The following OSBPL5 variants were observed in gnomAD, a reference collection of about 807,000 sequenced individuals.
OSBPL5 encodes the protein oxysterol binding protein like 5, also known as oxysterol-binding protein-related protein 5.
OSBPL5 carries 71 observed loss-of-function variants against 111.2 expected under a neutral mutation model. The ratio of observed to expected loss-of-function variants is 0.64; its 90% CI spans 0.53 to 0.78. The LOEUF is 0.78. OSBPL5 is among the 30% of genes least tolerant of loss of function. OSBPL5 has a pLI of 0.00. For synonymous variants in OSBPL5, 549 were observed against 513.9 expected, an observed-to-expected ratio of 1.07 and a Z score of -0.93; for missense variants, 1,210 against 1,189.3, an observed-to-expected ratio of 1.02 and a Z score of -0.26.
chr11:3,099,936 C>T (rs189306475), intron 14 of OSBPL5, among the ~76,000 whole-genome samples: 1,901 of 150,544 alleles, frequency 0.013, 38 homozygotes, highest in African/African-American at 0.044. Flanking sequence ...GGCGTGGTGG[C>T]GCATGCCTGT....
At chr11:3,099,145 T>C (rs1857374447) in intron 14 of OSBPL5, among the ~76,000 whole-genome samples, 1 of 152,190 alleles carries the variant, frequency 6.6e-6, no homozygotes, top group Admixed American at 6.5e-5. Context: ...AAGACGCCAA[T>C]CTGAAAACGC....
rs1364096123 is a variant in OSBPL5, at chr11:3,088,179, G to C, written c.*26C>G. On this transcript the variant is annotated 3_prime_UTR_variant, in exon 22 of 22. Coordinates refer to ENST00000263650, the MANE Select transcript of OSBPL5 (RefSeq NM_020896.4). ...TGCCTGGGAGGGAGGGCTCAGGACC[G>C]GCCAGGAGCTCTGCCCTCAGGGCTC... 3 of 1,546,502 alleles carry C rather than the reference G, an allele frequency of 1.9e-6. No individual in the cohort carries two copies. Among genetic ancestry groups the C allele is most frequent in the Middle Eastern group, 1.8e-4 (1 of 5,686 alleles).
At chr11:3,133,759 C>A (rs534962886) in intron 1 of OSBPL5, among the ~76,000 whole-genome samples, 1 of 152,356 alleles carries the variant, frequency 6.6e-6, no homozygotes, top group South Asian at 2.1e-4. Flanking sequence ...CAGGAGGGGA[C>A]GCTGTGGGGC....
intron 6 of OSBPL5, chr11:3,119,966 TGTAA>T (rs1858345493): frequency 2.4e-6 from 1 of 420,928 alleles, no homozygotes; most frequent in East Asian, 4.6e-5. Context: ...AGCTTTTTGG[TGTAA>T]GTATTTCCCA....
chr11:3,090,839 TG>T (rs1857031218), intron 19 of OSBPL5, 143 bp from the exon 20 acceptor site: 1 of 1,111,236 alleles, frequency 9.0e-7, no homozygotes, highest in Middle Eastern at 3.1e-4. Flanking sequence ...TGGAGCTGGC[TG>T]GAGGGGTCTG....
At position 3,141,763 on chromosome 11, in the gene OSBPL5, G is replaced by C. The variant is rs1846125596; in HGVS notation, c.-21-12594C>G. Among the ~76,000 whole-genome samples the C allele has an allele frequency of 6.6e-6, 1 of 152,086 alleles. No homozygotes were observed. The highest frequency in any genetic ancestry group is 6.6e-5 in the Admixed American group (1 of 15,264). On this transcript the variant is annotated intron_variant, in intron 1 of 21. Coordinates refer to ENST00000263650, the MANE Select transcript of OSBPL5 (RefSeq NM_020896.4). This position sits in a 1 kb window ranked among gnomAD's most constrained non-coding sequence, Gnocchi z 6.5. ...TCCCCTGGGCACAGGATGCTAAATG[G>C]GGTGACAGTAGGAACACCCACCCCC...
At position 3,142,848 on chromosome 11, in the gene OSBPL5, A is replaced by G. The variant is rs945160566; in HGVS notation, c.-21-13679T>C. ...GGCAGTGACTGCCCACTCCTTGCAC[A>G]CAAGGAAACAGTGAGACCAGAGGAA... is the stretch of plus-strand genomic sequence containing the variant. On this transcript the variant is annotated intron_variant, in intron 1 of 21. Coordinates refer to ENST00000263650, the MANE Select transcript of OSBPL5 (RefSeq NM_020896.4). This position sits in a 1 kb window ranked among gnomAD's most constrained non-coding sequence, Gnocchi z 7.1. Among the ~76,000 whole-genome samples the G allele has an allele frequency of 6.6e-6, 1 of 151,920 alleles. No homozygotes were observed. The highest frequency in any genetic ancestry group is 2.4e-5 in the African/African-American group (1 of 41,346).
rs1163498868 is a variant in OSBPL5, at chr11:3,112,131, ATG to A, written c.692-4188_692-4187del. ...TGTGTGCATGTGTGTGTGTGCGCAT[ATG>A]TGTGTGTTTGTATTTAAGAGACCTT... On this transcript the variant is annotated intron_variant, in intron 7 of 21. Transcript: ENST00000263650. Among the ~76,000 whole-genome samples the A allele has an allele frequency of 2.9e-3, 357 of 123,388 alleles. 1 individual carries two copies. The highest frequency in any genetic ancestry group is 0.01 in the African/African-American group (325 of 31,160). 80.9% of individuals were successfully genotyped at this position (123,388 alleles called of 152,430 possible). A position where few individuals can be genotyped will look rare whatever the true frequency, so the allele number is the denominator to read the frequency against.
At chr11:3,102,081 C>T (rs969691744) in intron 12 of OSBPL5, 102 bp downstream of exon 12, 19 of 1,237,540 alleles carry the variant, frequency 1.5e-5, no homozygotes, top group African/African-American at 4.5e-5. Flanking sequence ...AGCCGGCCCT[C>T]GGGGTCACGC....
rs1443732213 is a variant in OSBPL5 at position 3,165,234 on chromosome 11, C to G, written c.-40G>C. The G allele has an allele frequency of 6.6e-6, 1 of 150,892 alleles. No individual in the cohort carries two copies. Among genetic ancestry groups the G allele is most frequent in the East Asian group, 1.9e-4 (1 of 5,144 alleles). The allele number at this position is 150,892 out of a possible 1,614,324, so 9.3% of individuals were successfully genotyped here. On this transcript the variant is annotated 5_prime_UTR_variant, in exon 1 of 22. Coordinates refer to ENST00000263650, the MANE Select transcript of OSBPL5 (RefSeq NM_020896.4). The surrounding 1 kb of genome is among the most constrained non-coding windows in gnomAD (Gnocchi z 7.4). ...CTCCTACCTCCTACCGTGCCGCGAG[C>G]TCGGTGCTCCGGGCCGGCCGGGCGC... is the stretch of plus-strand genomic sequence containing the variant.
chr11:3,098,096 A>G (rs1857335659), intron 14 of OSBPL5, among the ~76,000 whole-genome samples: 2 of 152,072 alleles, frequency 1.3e-5, no homozygotes, highest in Non-Finnish European at 1.5e-5. Flanking sequence ...AAAAACAAAC[A>G]AACAAAAAAA....
Position 3,129,124 on chromosome 11 carries a change from G to T in OSBPL5, c.25C>A (p.Arg9Ser). The stretch of plus-strand genomic sequence containing the variant: ...GAAGGTGGACACAGGGAGAAGCGGC[G>T]CCGGAGGAAGGCCTCCTCCTTCATG... MKEEAFLR[R>S]RFSLCPPSST... The change falls in exon 2 of 22, where the codon CGC (arginine) becomes AGC (serine). Residue 9 changes from arginine (R) to serine (S), a missense_variant. Coordinates refer to ENST00000263650, the MANE Select transcript of OSBPL5 (RefSeq NM_020896.4). The T allele has an allele frequency of 6.7e-7, 1 of 1,490,272 alleles. No homozygotes were observed. Among genetic ancestry groups the T allele is most frequent in the Non-Finnish European group, 9.0e-7 (1 of 1,116,718 alleles). The allele number at this position is 1,490,272 out of a possible 1,614,324, so 92.3% of individuals were successfully genotyped here.
chr11:3,099,184 C>A (rs1169760000), intron 14 of OSBPL5, among the ~76,000 whole-genome samples: 1 of 152,206 alleles, frequency 6.6e-6, no homozygotes, highest in African/African-American at 2.4e-5. Flanking sequence ...AACTACATGA[C>A]ATTCCGGAAA....
chr11:3,112,079 G>C (rs1330811200), intron 7 of OSBPL5, among the ~76,000 whole-genome samples: 1 of 134,130 alleles, frequency 7.5e-6, no homozygotes, highest in Non-Finnish European at 1.7e-5. Flanking sequence ...GTGTGCATGT[G>C]TGTGTGCATG....
chr11:3,127,239 G>A (rs577404308), intron 2 of OSBPL5, among the ~76,000 whole-genome samples: 1 of 152,358 alleles, frequency 6.6e-6, no homozygotes, highest in Non-Finnish European at 1.5e-5. Flanking sequence ...TCCTGTGGCT[G>A]GTGGGCGAGG....
At chr11:3,119,895 G>C (rs1858343978) in intron 6 of OSBPL5, 4 of 500,256 alleles carry the variant, frequency 8.0e-6, no homozygotes, top group Admixed American at 3.9e-5. Flanking sequence ...GGGCTGTCCA[G>C]AATCAGCAAA....
At chr11:3,132,930 G>A (rs556972785) in intron 1 of OSBPL5, among the ~76,000 whole-genome samples, 4 of 152,326 alleles carry the variant, frequency 2.6e-5, no homozygotes, top group African/African-American at 7.2e-5. Flanking sequence ...GCTGCCTGTC[G>A]TGTCGCACGG....
Position 3,141,386 on chromosome 11 carries a change from C to T in OSBPL5, c.-21-12217G>A, listed in dbSNP as rs532142560. On this transcript the variant is annotated intron_variant, in intron 1 of 21. Coordinates refer to ENST00000263650, the MANE Select transcript of OSBPL5 (RefSeq NM_020896.4). This position sits in a 1 kb window ranked among gnomAD's most constrained non-coding sequence, Gnocchi z 6.5. Reference sequence around the variant, plus strand: ...TGGATTCTAGAAACCCCTCCTGCCCCAGCAGGCAGGTCCAGCCCCGAGGCC... The same window carrying T: ...TGGATTCTAGAAACCCCTCCTGCCCTAGCAGGCAGGTCCAGCCCCGAGGCC... Among the ~76,000 whole-genome samples, 38 of 152,172 alleles carry T rather than the reference C, an allele frequency of 2.5e-4. No individual in the cohort carries two copies. Among genetic ancestry groups the T allele is most frequent in the African/African-American group, 7.2e-4 (30 of 41,442 alleles).
rs187163642 is a variant in OSBPL5 at position 3,121,477 on chromosome 11, G to A, written c.402+520C>T. 1.7e-3 allele frequency among the ~76,000 whole-genome samples: 258 copies of A among 152,252 alleles called. 1 individual carries two copies. Among genetic ancestry groups the A allele is most frequent in the African/African-American group, 5.8e-3 (241 of 41,552 alleles). On this transcript the variant is annotated intron_variant, in intron 5 of 21. Transcript: ENST00000263650. This position sits in a 1 kb window ranked among gnomAD's most constrained non-coding sequence, Gnocchi z 4.3. ...GGGTAGAAGGAGCCTACATGGGCCT[G>A]GGCTCTGCAGACACCAGGGCTGGGC...
Sources: gnomAD v4.1 joint callset for allele counts (sites outside exome capture counted in the v4.1 genomes callset) on GRCh38, gnomAD v4.1.1 for gene constraint, Gnocchi (gnomAD v3.1) non-coding constraint, MANE v1.5 for transcripts, NCBI Gene and HGNC (gene_info 2026-07-23, HGNC 2026-07-21) for gene names.